Variants in DYNC2H1 observed in about 807,000 individuals in gnomAD.
The protein encoded by DYNC2H1 is cytoplasmic dynein 2 heavy chain 1.
DYNC2H1 carries 410 observed loss-of-function variants against 570.0 expected under a neutral mutation model. The observed-to-expected ratio is 0.72, with a 90% confidence interval of 0.66 to 0.78. The LOEUF (loss-of-function observed/expected upper bound fraction) is 0.78. Among genes scored for constraint, DYNC2H1 ranks in the 30% least tolerant of loss-of-function variants. DYNC2H1 has a pLI of 0.00. For missense variants in DYNC2H1, 4,865 were observed against 5,046.4 expected (o/e 0.96, Z 1.09); for synonymous variants, 1,688 against 1,677.6 (o/e 1.01, Z -0.15).
chr11:103,338,956 C>T (rs1939298572), intron 82 of DYNC2H1, among the ~76,000 whole-genome samples: 1 of 152,074 alleles, frequency 6.6e-6, no homozygotes, highest in Admixed American at 6.5e-5. Flanking sequence ...TGTACCTGTC[C>T]TTCTTGAGTG....
Position 103,244,156 on chromosome 11 carries a change from C to G in DYNC2H1, c.9918+365C>G, listed in dbSNP as rs1430759424. Among the ~76,000 whole-genome samples, 2 of 152,006 alleles carry G rather than the reference C, an allele frequency of 1.3e-5. No homozygotes were observed. Among genetic ancestry groups the G allele is most frequent in the African/African-American group, 4.8e-5 (2 of 41,418 alleles). ...AAGTTAGCTTGGAGAATCGGAAAAG[C>G]CTTCTAGCCTTTTAGCATATTTACA... On this transcript the variant is annotated intron_variant, in intron 64 of 88. Transcript: ENST00000375735. The surrounding 1 kb of genome is among the most constrained non-coding windows in gnomAD (Gnocchi z 4.3).
rs1237674286 is a variant in DYNC2H1, at chr11:103,231,248, G to A, written c.9354-12G>A. The stretch of plus-strand genomic sequence containing the variant: ...AATAGAATGACTTGTATAATATTGA[G>A]TTATATTTTAGGAATCTGAAGAAAA... On this transcript the variant is annotated splice_polypyrimidine_tract_variant and intron_variant, in intron 59 of 88. Transcript: ENST00000375735. 2.6e-6 allele frequency: 4 copies of A among 1,530,718 alleles called. No homozygotes were observed. The East Asian group carries it at 6.8e-5, about 26-fold the overall frequency. 94.8% of individuals were successfully genotyped at this position (1,530,718 alleles called of 1,614,324 possible).
intron 84 of DYNC2H1, among the ~76,000 whole-genome samples, chr11:103,400,974 G>A (rs1942616709): frequency 6.6e-6 from 1 of 152,128 alleles, no homozygotes. Context: ...ACCACAGATT[G>A]TAACTAAGTT....
At chr11:103,130,334 A>G (rs1328843425) in intron 13 of DYNC2H1, among the ~76,000 whole-genome samples, 2 of 152,190 alleles carry the variant, frequency 1.3e-5, no homozygotes, top group African/African-American at 4.8e-5. Context: ...CCAAATGCCA[A>G]CTAAGGGACA....
At chr11:103,174,227 T>C in intron 36 of DYNC2H1, 57 bp downstream of exon 36, 5 of 1,402,152 alleles carry the variant, frequency 3.6e-6, no homozygotes, top group Non-Finnish European at 4.9e-6. Context: ...AGCGTTAATT[T>C]AGAATAGTTT....
chr11:103,153,568 C>A, intron 22 of DYNC2H1, 60 bp downstream of exon 22: 1 of 1,385,658 alleles, frequency 7.2e-7, no homozygotes, highest in Non-Finnish European at 9.8e-7. Context: ...ATATATCAAG[C>A]TAGTAATTTT....
chr11:103,215,850 T>A lies in DYNC2H1; in HGVS notation c.8824T>A (p.Ser2942Thr). Residue 2942 changes from serine to threonine, a missense_variant, in exon 55 of 89, where the codon TCA becomes ACA. This residue lies in a region of DYNC2H1 where 2,401 missense variants were observed against 2,454.6 expected (regional missense o/e 0.98). Transcript: ENST00000375735. ...TGCTGCCCTTCAAATGATCACAGTG[T>A]CAATGCAGGTAATGTTTAGAGTGAC... is the stretch of plus-strand genomic sequence containing the variant. The part of the protein sequence containing the change: ...ADAALQMITV[S>T]MQDASEQKTE... The A allele has an allele frequency of 5.6e-6, 9 of 1,612,636 alleles. No homozygotes were observed. Among genetic ancestry groups the A allele is most frequent in the Non-Finnish European group, 7.6e-6 (9 of 1,179,264 alleles).
intron 85 of DYNC2H1, among the ~76,000 whole-genome samples, chr11:103,443,534 TA>T (rs1436869947): frequency 6.6e-6 from 1 of 151,952 alleles, no homozygotes; most frequent in East Asian, 1.9e-4. Context: ...TTTAAGAAAA[TA>T]TTTTTTAGTA....
At chr11:103,222,878 A>G in intron 58 of DYNC2H1, 87 bp from the exon 59 acceptor site, 1 of 1,538,116 alleles carries the variant, frequency 6.5e-7, no homozygotes, top group Middle Eastern at 1.7e-4. Context: ...CAAGTTAATA[A>G]GTGCCCAAAT....
intron 59 of DYNC2H1, among the ~76,000 whole-genome samples, chr11:103,227,376 T>G (rs1312038138): frequency 6.6e-6 from 1 of 152,186 alleles, no homozygotes; most frequent in African/African-American, 2.4e-5. Context: ...TTTGATAGGT[T>G]GTATTACTAT....
rs1865066255 is a variant in DYNC2H1, at chr11:103,256,612, A to G, written c.10461+372A>G. On this transcript the variant is annotated intron_variant, in intron 68 of 88. Coordinates refer to ENST00000375735, the MANE Select transcript of DYNC2H1 (RefSeq NM_001377.3). The surrounding 1 kb of genome is among the most constrained non-coding windows in gnomAD (Gnocchi z 4.0). ...TTAAGGCAAGTTAAATATACTAATT[A>G]AAAGGGTTATAAGCTCTAAGGTACA... 1.3e-5 allele frequency among the ~76,000 whole-genome samples: 2 copies of G among 152,190 alleles called. No individual in the cohort carries two copies. Among genetic ancestry groups the G allele is most frequent in the South Asian group, 4.1e-4 (2 of 4,826 alleles).
chr11:103,249,822 C>T lies in DYNC2H1; in HGVS notation c.10043-3463C>T, dbSNP rs1591473295. Among the ~76,000 whole-genome samples the T allele has an allele frequency of 1.3e-5, 2 of 152,190 alleles. No individual in the cohort carries two copies. Among genetic ancestry groups the T allele is most frequent in the East Asian group, 3.9e-4 (2 of 5,188 alleles). ...AATATGAGTGACTCCTGCTTCTTTA[C>T]CAATGATAGTTTAGTCCCACTCCAT... On this transcript the variant is annotated intron_variant, in intron 65 of 88. Transcript: ENST00000375735. The surrounding 1 kb of genome is among the most constrained non-coding windows in gnomAD (Gnocchi z 4.6).
At chr11:103,316,794 A>T (rs182682813) in intron 80 of DYNC2H1, among the ~76,000 whole-genome samples, 174 bp downstream of exon 80, 87 of 152,018 alleles carry the variant, frequency 5.7e-4, no homozygotes, top group African/African-American at 2.0e-3. Context: ...TCTTATATGG[A>T]TCTGTTTTTA....
At chr11:103,415,672 A>G (rs935220410) in intron 84 of DYNC2H1, among the ~76,000 whole-genome samples, 4 of 152,202 alleles carry the variant, frequency 2.6e-5, no homozygotes, top group South Asian at 2.1e-4. Context: ...AAGGATGTGG[A>G]GAAATAGGAA....
chr11:103,342,174 T>C (rs1018871017), intron 82 of DYNC2H1, among the ~76,000 whole-genome samples: 9 of 150,680 alleles, frequency 6.0e-5, no homozygotes, highest in Non-Finnish European at 1.3e-4. Context: ...AAGAGGTTTG[T>C]AAAATGCATC....
chr11:103,422,071 C>T (rs1248321144), intron 84 of DYNC2H1, among the ~76,000 whole-genome samples: 2 of 152,066 alleles, frequency 1.3e-5, no homozygotes, highest in Non-Finnish European at 2.9e-5. Flanking sequence ...CACGTCTATA[C>T]ACATAAACCA....
intron 82 of DYNC2H1, among the ~76,000 whole-genome samples, chr11:103,342,798 T>A (rs1338101315): frequency 6.6e-6 from 1 of 152,064 alleles, no homozygotes; most frequent in Non-Finnish European, 1.5e-5. Context: ...TGTGCCACCT[T>A]TAAGAGCTGT....
intron 86 of DYNC2H1, 96 bp from the exon 87 acceptor site, chr11:103,456,174 ATATTT>A: frequency 1.2e-6 from 1 of 853,874 alleles, no homozygotes; most frequent in Non-Finnish European, 1.7e-6. Flanking sequence ...CACATGGTAA[ATATTT>A]TAATTTTAAA....
At chr11:103,227,984 C>A (rs1045725117) in intron 59 of DYNC2H1, among the ~76,000 whole-genome samples, 1 of 152,016 alleles carries the variant, frequency 6.6e-6, no homozygotes, top group African/African-American at 2.4e-5. Context: ...TTTGTTATGT[C>A]TGATATAAGA....
Sources: gnomAD v4.1 joint callset for allele counts (sites outside exome capture counted in the v4.1 genomes callset) on GRCh38, gnomAD v4.1.1 for gene constraint, gnomAD v4.1.1 regional missense constraint, Gnocchi (gnomAD v3.1) non-coding constraint, MANE v1.5 for transcripts, NCBI Gene and HGNC (gene_info 2026-07-23, HGNC 2026-07-21) for gene names.